MAN2A2: variants seen among roughly 807,000 people sequenced by gnomAD.
MAN2A2 encodes mannosidase alpha class 2A member 2, also known as alpha-mannosidase 2x.
In MAN2A2, 79 loss-of-function variants were observed where a neutral mutation model predicts 126.8. The ratio of observed to expected loss-of-function variants is 0.62; its 90% CI spans 0.52 to 0.75. MAN2A2 has a LOEUF of 0.75. Ranked by LOEUF, MAN2A2 falls within the 30% of genes least tolerant of loss-of-function variation. The pLI, the probability that MAN2A2 is intolerant of heterozygous loss-of-function variation, is 0.00. For missense variants in MAN2A2, 1,392 were observed against 1,522.4 expected, an observed-to-expected ratio of 0.91 and a Z score of 1.43; for synonymous variants, 671 against 618.7, an observed-to-expected ratio of 1.08 and a Z score of -1.25.
In MAN2A2 at chr15:90,906,685, G is replaced by T. The variant is rs111961183; in HGVS notation, c.836-55G>T. ...GGGGTCCCAGCACCTGGAAGGCCGG[G>T]GGGCCAGCCCCTGAGGTGTGTTCAG... On this transcript the variant is annotated intron_variant, in intron 6 of 22. Coordinates refer to ENST00000559717, the MANE Select transcript of MAN2A2 (RefSeq NM_006122.4). 2,905 of 1,594,466 alleles carry T rather than the reference G, an allele frequency of 1.8e-3. 46 individuals are homozygous for T. In the African/African-American group the frequency reaches 0.034, roughly 19 times the overall value.
intron 20 of MAN2A2, chr15:90,916,758 A>C: frequency 1.1e-6 from 1 of 909,240 alleles, no homozygotes; most frequent in Non-Finnish European, 1.6e-6. Flanking sequence ...CTCGTGCATC[A>C]GATAGATATT....
At position 90,906,032 on chromosome 15, in the gene MAN2A2, G is replaced by A. The variant is rs751144749; in HGVS notation, c.707+16G>A. 3.7e-6 allele frequency: 6 copies of A among 1,613,120 alleles called. No individual in the cohort carries two copies. Among genetic ancestry groups the A allele is most frequent in the South Asian group, 3.3e-5 (3 of 91,060 alleles). ...CAGTCCGAAGGCCAGTACCAGGCGG[G>A]GAGGCATGGGAGGGCATTGTCTGAG... is the stretch of plus-strand genomic sequence containing the variant. On this transcript the variant is annotated intron_variant, in intron 5 of 22. Transcript: ENST00000559717.
At chr15:90,916,033 G>A (rs966357165) in intron 19 of MAN2A2, 90 bp from the exon 20 acceptor site, 143 of 1,458,948 alleles carry the variant, frequency 9.8e-5, no homozygotes, top group Middle Eastern at 1.9e-4. Context: ...GCGCTTTTCC[G>A]TCAGGGCCTG....
At chr15:90,908,251 A>G (rs2034450345) in intron 8 of MAN2A2, among the ~76,000 whole-genome samples, 1 of 152,200 alleles carries the variant, frequency 6.6e-6, no homozygotes, top group African/African-American at 2.4e-5. Flanking sequence ...AAAGGTAACC[A>G]TTTTCTCCTT....
chr15:90,905,291 A>G lies in MAN2A2; in HGVS notation c.173A>G (p.Glu58Gly). The part of the protein sequence containing the change: ...SVLQNRIEQL[E>G]QLLEENHEII... The stretch of plus-strand genomic sequence containing the variant: ...CTGCAGAACCGCATTGAGCAGCTGG[A>G]GCAGCTTTTGGAGGAGAACCATGAG... Residue 58 changes from glutamate (E) to glycine (G), a missense_variant, in exon 3 of 23, where the codon GAG (glutamate) becomes GGG (glycine). By Grantham distance (98) the Glu-to-Gly change is moderately conservative. Transcript: ENST00000559717. 1 of 1,613,760 alleles carries G rather than the reference A, an allele frequency of 6.2e-7. No individual in the cohort carries two copies.
Position 90,911,378 on chromosome 15 carries a change from C to T in MAN2A2, c.1944-7C>T, listed in dbSNP as rs781537180. On this transcript the variant is annotated splice_region_variant and splice_polypyrimidine_tract_variant and intron_variant, in intron 13 of 22. Transcript: ENST00000559717. ...GCCTCCTGGGTCAGCCCACCTTCTA[C>T]GCACAGGTTTGTGGTCCTATTCAAC... The T allele has an allele frequency of 2.9e-5, 46 of 1,614,020 alleles. No homozygotes were observed. The highest frequency in any genetic ancestry group is 4.5e-5 in the East Asian group (2 of 44,898).
At position 90,907,466 on chromosome 15, in the gene MAN2A2, G is replaced by C; in HGVS notation, c.1167G>C (p.Arg389=). 1 of 1,613,164 alleles carries C rather than the reference G, an allele frequency of 6.2e-7. No homozygotes were observed. The highest frequency in any genetic ancestry group is 1.6e-4 in the Middle Eastern group (1 of 6,062). ...ACTGCCCTTGGAAGGTGCCACCCCGGGCCATCACAGAGGCCAACGTGGCAG... is the reference window on the plus strand; with the variant it reads ...ACTGCCCTTGGAAGGTGCCACCCCGCGCCATCACAGAGGCCAACGTGGCAG... ...RINCPWKVPP[R]AITEANVAER... is the part of the protein sequence containing the mutation. Residue 389 remains arginine (R), a synonymous_variant, in exon 8 of 23, where the codon CGG becomes CGC. Coordinates refer to ENST00000559717, the MANE Select transcript of MAN2A2 (RefSeq NM_006122.4).
In MAN2A2 at chr15:90,910,559, G is replaced by A. The variant is rs962148269; in HGVS notation, c.1636G>A (p.Gly546Ser). The change falls in exon 11 of 23, where the codon GGC becomes AGC. Residue 546 changes from glycine to serine, a missense_variant. Gly to Ser is a moderately conservative substitution (Grantham distance 56). Coordinates refer to ENST00000559717, the MANE Select transcript of MAN2A2 (RefSeq NM_006122.4). ...AAHARRSGLA[G>S]RYPLSDFTLL... ...TCACGCTCGCCGCTCTGGTCTGGCT[G>A]GCCGGTACCCACTGTCTGATTTCAC... The A allele has an allele frequency of 6.2e-7, 1 of 1,614,022 alleles. No individual in the cohort carries two copies. The highest frequency in any genetic ancestry group is 1.7e-5 in the Admixed American group (1 of 60,002).
At chr15:90,904,043 G>T in intron 1 of MAN2A2, 147 bp from the exon 2 acceptor site, 1 of 846,382 alleles carries the variant, frequency 1.2e-6, no homozygotes. Context: ...AGGTGGGCCA[G>T]CCTCAGATGT....
intron 20 of MAN2A2, 142 bp downstream of exon 20, chr15:90,916,398 G>T: frequency 8.1e-7 from 1 of 1,227,468 alleles, no homozygotes; most frequent in Non-Finnish European, 1.1e-6. Flanking sequence ...GGTGGGGGGA[G>T]GCAGTCTGGC....
rs139658442 is a variant in MAN2A2 at position 90,905,583 on chromosome 15, T to C, written c.395T>C (p.Leu132Pro). ...GAGCTGCAGTTCACCTGGCAGATGCTCACTGTGTCGGAGGAGCTGCCGTTT... is the reference window on the plus strand; with the variant it reads ...GAGCTGCAGTTCACCTGGCAGATGCCCACTGTGTCGGAGGAGCTGCCGTTT... ...GRGQKPELQM[L>P]TVSEELPFDN... is the part of the protein sequence containing the mutation. The change falls in exon 4 of 23, where the codon CTC becomes CCC. Residue 132 changes from leucine to proline, a missense_variant. Coordinates refer to ENST00000559717, the MANE Select transcript of MAN2A2 (RefSeq NM_006122.4). 7 of 1,614,030 alleles carry C rather than the reference T, an allele frequency of 4.3e-6. No individual in the cohort carries two copies. In the African/African-American group the frequency reaches 9.3e-5, roughly 22 times the overall value.
rs764795041 is a variant in MAN2A2, at chr15:90,918,271, C to T, written c.3072C>T (p.Leu1024=). 1.6e-5 allele frequency: 26 copies of T among 1,614,196 alleles called. No homozygotes were observed. The highest frequency in any genetic ancestry group is 1.6e-4 in the Middle Eastern group (1 of 6,062). The change falls in exon 21 of 23, where the codon CTC becomes CTT. Residue 1024 remains leucine, a synonymous_variant. Coordinates refer to ENST00000559717, the MANE Select transcript of MAN2A2 (RefSeq NM_006122.4). The stretch of plus-strand genomic sequence containing the variant: ...CCATGTACCTGAACGCCCCGGCGCT[C>T]GCTCTGCCTGTAGCCAGGATGCAGC... ...LTSMYLNAPA[L]ALPVARMQLP...
rs527991800 is a variant in MAN2A2, at chr15:90,916,439, C to A, written c.2994+183C>A. On this transcript the variant is annotated intron_variant, in intron 20 of 22. Transcript: ENST00000559717. Reference sequence around the variant, plus strand: ...GTGTCCCATCTCACGCAGCCTGGCACCTTCCTCTCCCAGCAGCGCTCTGTC... The same window carrying A: ...GTGTCCCATCTCACGCAGCCTGGCAACTTCCTCTCCCAGCAGCGCTCTGTC... The A allele has an allele frequency of 2.9e-4, 312 of 1,075,478 alleles. 2 individuals are homozygous for A. The African/African-American group carries it at 4.4e-3, about 15-fold the overall frequency. 66.6% of individuals were successfully genotyped at this position (1,075,478 alleles called of 1,614,324 possible).
intron 19 of MAN2A2, 92 bp downstream of exon 19, chr15:90,913,847 G>C: frequency 6.9e-7 from 1 of 1,441,638 alleles, no homozygotes; most frequent in South Asian, 1.4e-5. Context: ...GGCCTCCCTT[G>C]CCTCTTTCTG....
intron 21 of MAN2A2, 21 bp downstream of exon 21, chr15:90,918,409 C>A: frequency 6.2e-7 from 1 of 1,606,770 alleles, no homozygotes; most frequent in Non-Finnish European, 8.5e-7. Context: ...CTCAGCGTGA[C>A]ATGCTGAGAG....
chr15:90,906,754 T>G lies in MAN2A2; in HGVS notation c.850T>G (p.Ser284Ala). 6.2e-7 allele frequency: 1 copy of G among 1,612,670 alleles called. No homozygotes were observed. The highest frequency in any genetic ancestry group is 2.2e-5 in the East Asian group (1 of 44,872). Reference sequence around the variant, plus strand: ...GCCCTGCCCAGGTGCAACCCCCCGCTCTGGCTGGGCAGTGGACCCCTTTGG... The same window carrying G: ...GCCCTGCCCAGGTGCAACCCCCCGCGCTGGCTGGGCAGTGGACCCCTTTGG... ...LERNLGATPRSGWAVDPFGYS... is the reference protein window; with the variant it reads ...LERNLGATPRAGWAVDPFGYS... The change falls in exon 7 of 23, where the codon TCT becomes GCT. Residue 284 changes from serine to alanine, a missense_variant. Coordinates refer to ENST00000559717, the MANE Select transcript of MAN2A2 (RefSeq NM_006122.4).
Position 90,905,712 on chromosome 15 carries a change from A to G in MAN2A2, c.524A>G (p.His175Arg). The change falls in exon 4 of 23, where the codon CAC becomes CGC. Residue 175 changes from histidine to arginine, a missense_variant. His to Arg is a conservative substitution (Grantham distance 29). Coordinates refer to ENST00000559717, the MANE Select transcript of MAN2A2 (RefSeq NM_006122.4). ...CAGGTGTTTGTGGTGCCCCACTCTC[A>G]CAATGACCCAGGTGAGGGCCCTGCA... ...DLQVFVVPHSHNDPGWIKTFD... is the reference protein window; with the variant it reads ...DLQVFVVPHSRNDPGWIKTFD... 6.2e-7 allele frequency: 1 copy of G among 1,613,988 alleles called. No homozygotes were observed. Among genetic ancestry groups the G allele is most frequent in the Non-Finnish European group, 8.5e-7 (1 of 1,179,974 alleles).
chr15:90,906,687 G>T (rs1018353241), intron 6 of MAN2A2, 53 bp from the exon 7 acceptor site: 16 of 1,594,606 alleles, frequency 1.0e-5, no homozygotes, highest in Admixed American at 3.4e-5. Context: ...AAGGCCGGGG[G>T]GCCAGCCCCT....
At chr15:90,910,021 G>A in intron 9 of MAN2A2, 69 bp from the exon 10 acceptor site, 1 of 1,430,276 alleles carries the variant, frequency 7.0e-7, no homozygotes, top group Non-Finnish European at 9.6e-7. Context: ...ACCCCCAACT[G>A]CAGCACTGTG....
Sources: allele counts gnomAD v4.1 joint callset (sites outside exome capture counted in the v4.1 genomes callset), GRCh38; gene constraint gnomAD v4.1.1; transcripts MANE v1.5; gene names NCBI Gene and HGNC (gene_info 2026-07-23, HGNC 2026-07-21).